Variants in FASTKD1 observed in about 807,000 individuals in gnomAD.
FASTKD1 encodes FAST kinase domains 1.
Under a neutral mutation model 90.9 loss-of-function variants are expected in FASTKD1, and 94 were observed. The observed-to-expected ratio is 1.03, with a 90% CI of 0.88 to 1.23. The LOEUF (loss-of-function observed/expected upper bound fraction) is 1.23, where lower values mean the gene tolerates loss of function less well. FASTKD1 is among the 50% of genes most tolerant of loss of function. The probability of loss-of-function intolerance (pLI) is 0.00; values close to 1 mark genes in which losing one functional copy is unlikely to be tolerated. For synonymous variants in FASTKD1, 319 were observed against 345.8 expected (o/e 0.92, Z 0.86); for missense variants, 945 against 993.5 (o/e 0.95, Z 0.66).
At chr2:169,558,456 G>T (rs2105402091) in intron 5 of FASTKD1, among the ~76,000 whole-genome samples, 1 of 150,102 alleles carries the variant, frequency 6.7e-6, no homozygotes, top group Non-Finnish European at 1.5e-5. Flanking sequence ...GTATTTTTTT[G>T]TTTGTTTTTT....
chr2:169,564,614 TA>T (rs1683867310), intron 3 of FASTKD1, among the ~76,000 whole-genome samples: 1 of 152,118 alleles, frequency 6.6e-6, no homozygotes, highest in South Asian at 2.1e-4. Flanking sequence ...AATGTATAAT[TA>T]AGTTATTATT....
intron 7 of FASTKD1, among the ~76,000 whole-genome samples, chr2:169,549,841 C>G (rs1172490747): frequency 6.6e-6 from 1 of 152,184 alleles, no homozygotes. Context: ...TGTACTGATA[C>G]AGGCATTCTC....
At position 169,540,179 on chromosome 2, in the gene FASTKD1, C is replaced by T; in HGVS notation, c.1817G>A (p.Gly606Asp). Residue 606 changes from glycine to aspartate, a missense_variant and splice_region_variant, in exon 10 of 15, where the codon GGT becomes GAT. Physicochemically the swap from Gly to Asp is moderately conservative, Grantham distance 94. Coordinates refer to ENST00000453153, the MANE Select transcript of FASTKD1 (RefSeq NM_024622.6). Reference sequence around the variant, plus strand: ...CACTAATATAAAAGGATCCAATATACCTAAAAGAAAATTAAGATTTTTTTA... The same window carrying T: ...CACTAATATAAAAGGATCCAATATATCTAAAAGAAAATTAAGATTTTTTTA... ...TCVQHLNSYL[G>D]ILDPFILVFL... 1 of 1,539,958 alleles carries T rather than the reference C, an allele frequency of 6.5e-7. No individual in the cohort carries two copies. Among genetic ancestry groups the T allele is most frequent in the Non-Finnish European group, 8.8e-7 (1 of 1,130,116 alleles).
chr2:169,550,427 A>T (rs190212398), intron 7 of FASTKD1, among the ~76,000 whole-genome samples: 1 of 152,314 alleles, frequency 6.6e-6, no homozygotes, highest in Admixed American at 6.5e-5. Context: ...TATTGTTGAC[A>T]GTGGATGAAT....
At chr2:169,539,555 C>G (rs1574372699) in intron 10 of FASTKD1, among the ~76,000 whole-genome samples, 1 of 151,748 alleles carries the variant, frequency 6.6e-6, no homozygotes, top group Non-Finnish European at 1.5e-5. Flanking sequence ...ATCACTTGAG[C>G]TCAAGAGTTT....
chr2:169,572,984 C>A (rs1684297729), intron 1 of FASTKD1: 1 of 152,170 alleles, frequency 6.6e-6, no homozygotes, highest in Non-Finnish European at 1.5e-5. Context: ...TCATTAAATT[C>A]TCTCAGCTAA....
intron 7 of FASTKD1, among the ~76,000 whole-genome samples, chr2:169,552,926 G>T (rs1324256135): frequency 6.6e-6 from 1 of 152,054 alleles, no homozygotes; most frequent in East Asian, 1.9e-4. Context: ...TAAAACATAG[G>T]CCAGGTGCAG....
chr2:169,537,589 G>A (rs548912932), intron 11 of FASTKD1, among the ~76,000 whole-genome samples: 84 of 152,062 alleles, frequency 5.5e-4, no homozygotes, highest in African/African-American at 2.0e-3. Flanking sequence ...TCTCCATGTT[G>A]GTCAGGCTGG....
intron 12 of FASTKD1, 131 bp from the exon 13 acceptor site, chr2:169,531,621 T>G (rs1684497980): frequency 2.9e-6 from 2 of 682,900 alleles, no homozygotes; most frequent in Admixed American, 3.3e-5. Context: ...GACGAACCTC[T>G]CAGATTATCC....
chr2:169,548,036 G>T (rs1208763320), intron 7 of FASTKD1, among the ~76,000 whole-genome samples: 1 of 120,818 alleles, frequency 8.3e-6, no homozygotes, highest in Non-Finnish European at 1.8e-5. Context: ...GAAAAGAAAA[G>T]AAAAAAAAAT....
intron 4 of FASTKD1, among the ~76,000 whole-genome samples, chr2:169,561,822 T>A (rs867179037): frequency 4.7e-3 from 563 of 119,326 alleles, no homozygotes; most frequent in Middle Eastern, 0.012. Context: ...TTGTAAATTA[T>A]TTATTAATTT....
rs372082795 is a variant in FASTKD1 at position 169,573,792 on chromosome 2, C to T, written c.-266G>A. ...AAACAGGCTCGGATGTCTCGCCCAA[C>T]CCTCATATCTCAGGGTTTATAACCT... is the stretch of plus-strand genomic sequence containing the variant. On this transcript the variant is annotated 5_prime_UTR_variant, in exon 1 of 15. Transcript: ENST00000453153. The T allele has an allele frequency of 6.6e-6, 1 of 152,192 alleles. No individual in the cohort carries two copies. The highest frequency in any genetic ancestry group is 1.5e-5 in the Non-Finnish European group (1 of 68,050). 9.4% of individuals were successfully genotyped at this position (152,192 alleles called of 1,614,324 possible). A position where few individuals can be genotyped will look rare whatever the true frequency, so the allele number is the denominator to read the frequency against.
chr2:169,548,648 C>A (rs558162933), intron 7 of FASTKD1, among the ~76,000 whole-genome samples: 1 of 144,196 alleles, frequency 6.9e-6, no homozygotes, highest in East Asian at 2.2e-4. Flanking sequence ...ATGAGAATCG[C>A]TTGAACCCGG....
At chr2:169,569,013 A>AC (rs370159938) in intron 3 of FASTKD1, among the ~76,000 whole-genome samples, 171 bp downstream of exon 3, 112 of 150,014 alleles carry the variant, frequency 7.5e-4, no homozygotes, top group East Asian at 2.7e-3. Context: ...AAAAAAAAAA[A>AC]AACAACAACA....
Position 169,563,252 on chromosome 2 carries a change from C to T in FASTKD1, c.545G>A (p.Arg182Lys), listed in dbSNP as rs1257975289. ...LMGKIADIVH[R>K]NLETTQDLSS... Reference sequence around the variant, plus strand: ...TAAGTCCTGTGTGGTTTCCAAGTTCCTATGAACAATATCAGCTATTTTTCC... The same window carrying T: ...TAAGTCCTGTGTGGTTTCCAAGTTCTTATGAACAATATCAGCTATTTTTCC... The change falls in exon 4 of 15, where the codon AGG becomes AAG. Residue 182 changes from arginine (R) to lysine (K), a missense_variant. Coordinates refer to ENST00000453153, the MANE Select transcript of FASTKD1 (RefSeq NM_024622.6). 3 of 1,611,336 alleles carry T rather than the reference C, an allele frequency of 1.9e-6. No homozygotes were observed. Among genetic ancestry groups the T allele is most frequent in the African/African-American group, 2.7e-5 (2 of 74,810 alleles).
chr2:169,564,140 TAC>T (rs1221058190), intron 3 of FASTKD1, among the ~76,000 whole-genome samples: 2 of 152,162 alleles, frequency 1.3e-5, no homozygotes, highest in Non-Finnish European at 2.9e-5. Flanking sequence ...ATAATTTTTA[TAC>T]ATTATTTTTC....
rs142323640 is a variant in FASTKD1 at position 169,553,908 on chromosome 2, C to A, written c.1214+1216G>T. ...CTGCACTCCAGCCTGGGCGACAGAG[C>A]GAGACTCCATCTCAAAAAAAATAAA... On this transcript the variant is annotated intron_variant, in intron 7 of 14. Transcript: ENST00000453153. Among the ~76,000 whole-genome samples, 1,214 of 150,736 alleles carry A rather than the reference C, an allele frequency of 8.1e-3. 32 individuals are homozygous for A. Among genetic ancestry groups the A allele is most frequent in the African/African-American group, 0.028 (1,159 of 40,964 alleles).
chr2:169,546,039 C>G (rs1685175902), intron 8 of FASTKD1, among the ~76,000 whole-genome samples, 179 bp downstream of exon 8: 1 of 152,144 alleles, frequency 6.6e-6, no homozygotes, highest in African/African-American at 2.4e-5. Context: ...TCAACCAATC[C>G]TCCCACCTCA....
At chr2:169,571,275 AT>A in intron 2 of FASTKD1, 1 of 153,726 alleles carries the variant, frequency 6.5e-6, no homozygotes. Flanking sequence ...TTTTGAAGAG[AT>A]TTTTAGACCT....
Sources: gnomAD v4.1 joint callset for allele counts (sites outside exome capture counted in the v4.1 genomes callset) on GRCh38, gnomAD v4.1.1 for gene constraint, MANE v1.5 for transcripts, NCBI Gene and HGNC (gene_info 2026-07-23, HGNC 2026-07-21) for gene names.